The following AK5 variants were observed in gnomAD, a reference collection of about 807,000 sequenced individuals.
The protein encoded by AK5 is adenylate kinase 5, also known as adenylate kinase isoenzyme 5.
In AK5, 27 loss-of-function variants were observed where a neutral mutation model predicts 69.5. The ratio of observed to expected loss-of-function variants is 0.39; its 90% CI spans 0.29 to 0.54. AK5 has a LOEUF of 0.54. AK5 is among the 20% of genes least tolerant of loss of function. AK5 has a pLI of 0.71. For synonymous variants in AK5, 260 were observed against 244.4 expected (o/e 1.06, Z -0.60); for missense variants, 531 against 700.4 (o/e 0.76, Z 2.73).
chr1:77,304,328 T>C (rs762138372), intron 5 of AK5, among the ~76,000 whole-genome samples: 11 of 152,202 alleles, frequency 7.2e-5, no homozygotes, highest in Non-Finnish European at 1.6e-4. Flanking sequence ...CCATCCATGT[T>C]GTTGCGTATG....
intron 5 of AK5, among the ~76,000 whole-genome samples, chr1:77,319,806 T>G (rs992839397): frequency 5.3e-5 from 8 of 152,224 alleles, no homozygotes; most frequent in Admixed American, 3.9e-4. Context: ...TATTCTCAGA[T>G]CCTACTGATT....
At chr1:77,542,942 A>C (rs1217249879) in intron 13 of AK5, among the ~76,000 whole-genome samples, 5 of 152,050 alleles carry the variant, frequency 3.3e-5, no homozygotes, top group African/African-American at 9.7e-5. Context: ...CCAGTGACTC[A>C]TTAAACATGA....
intron 13 of AK5, 135 bp from the exon 14 acceptor site, chr1:77,558,465 TTC>T (rs1660240801): frequency 7.5e-6 from 4 of 534,128 alleles, no homozygotes; most frequent in Admixed American, 4.2e-5. Flanking sequence ...CTTCACTTTT[TTC>T]TCTGTGTTTT....
chr1:77,391,597 CAGAT>C (rs1041562267), intron 6 of AK5, among the ~76,000 whole-genome samples: 1 of 148,160 alleles, frequency 6.7e-6, no homozygotes, highest in African/African-American at 2.5e-5. Context: ...GGTGAATGAA[CAGAT>C]GGATAGGTGC....
At chr1:77,328,930 G>T (rs965031518) in intron 5 of AK5, among the ~76,000 whole-genome samples, 3 of 152,176 alleles carry the variant, frequency 2.0e-5, no homozygotes, top group Non-Finnish European at 4.4e-5. Context: ...GCTGTTGCCA[G>T]CGTCTGGCAA....
Position 77,297,965 on chromosome 1 carries a change from T to C in AK5, c.699+18T>C. 1.3e-6 allele frequency: 2 copies of C among 1,541,116 alleles called. No individual in the cohort carries two copies. Among genetic ancestry groups the C allele is most frequent in the Non-Finnish European group, 1.8e-6 (2 of 1,137,930 alleles). Reference sequence around the variant, plus strand: ...AGGACCAAGTAAGAATATCTCCTTATATTTTAAATGAACTACTTTTTGCTT... The same window carrying C: ...AGGACCAAGTAAGAATATCTCCTTACATTTTAAATGAACTACTTTTTGCTT... On this transcript the variant is annotated intron_variant, in intron 5 of 13. Transcript: ENST00000354567.
intron 7 of AK5, among the ~76,000 whole-genome samples, chr1:77,416,610 A>G (rs1319632096): frequency 6.6e-6 from 1 of 152,154 alleles, no homozygotes; most frequent in African/African-American, 2.4e-5. Context: ...AGAGAAGAGA[A>G]GGGGGAAAAA....
At chr1:77,389,768 T>A (rs1557552496) in intron 6 of AK5, among the ~76,000 whole-genome samples, 1 of 151,936 alleles carries the variant, frequency 6.6e-6, no homozygotes, top group Non-Finnish European at 1.5e-5. Context: ...TCAAGACCAG[T>A]CTGGGCAACA....
intron 6 of AK5, among the ~76,000 whole-genome samples, chr1:77,405,329 G>A (rs925601747): frequency 6.6e-6 from 1 of 152,246 alleles, no homozygotes; most frequent in Non-Finnish European, 1.5e-5. Flanking sequence ...TTAAGCACTA[G>A]CTGTGTTTTC....
At chr1:77,384,864 A>G (rs1647894924) in intron 6 of AK5, among the ~76,000 whole-genome samples, 2 of 152,170 alleles carry the variant, frequency 1.3e-5, no homozygotes, top group Admixed American at 1.3e-4. Flanking sequence ...ATAACCAATT[A>G]GTGAATAGCA....
chr1:77,380,505 A>G (rs755719502), intron 6 of AK5, among the ~76,000 whole-genome samples: 2 of 152,182 alleles, frequency 1.3e-5, no homozygotes, highest in Non-Finnish European at 2.9e-5. Context: ...TTTATTGACC[A>G]TTTACAATGT....
At chr1:77,512,289 A>G (rs1251020493) in intron 10 of AK5, among the ~76,000 whole-genome samples, 1 of 152,148 alleles carries the variant, frequency 6.6e-6, no homozygotes, top group Non-Finnish European at 1.5e-5. Context: ...ACACACGGGT[A>G]TATCTTAAGT....
At chr1:77,365,802 G>A (rs531138623) in intron 6 of AK5, among the ~76,000 whole-genome samples, 2 of 152,292 alleles carry the variant, frequency 1.3e-5, no homozygotes, top group East Asian at 1.9e-4. Flanking sequence ...CCTGGGACTT[G>A]GGGACCTCTG....
At chr1:77,454,039 C>T (rs1327440562) in intron 8 of AK5, among the ~76,000 whole-genome samples, 1 of 152,146 alleles carries the variant, frequency 6.6e-6, no homozygotes, top group Admixed American at 6.6e-5. Context: ...TTCTAGTCTT[C>T]AGCTCTGTAG....
chr1:77,303,171 C>T (rs1659437700), intron 5 of AK5, among the ~76,000 whole-genome samples: 1 of 152,110 alleles, frequency 6.6e-6, no homozygotes, highest in Non-Finnish European at 1.5e-5. Flanking sequence ...CAGTTTTAGT[C>T]CTCACATTCA....
chr1:77,545,112 A>G (rs1659473934), intron 13 of AK5, among the ~76,000 whole-genome samples: 1 of 152,170 alleles, frequency 6.6e-6, no homozygotes, highest in Admixed American at 6.5e-5. Context: ...GCATGACTAT[A>G]TATACCCACA....
chr1:77,397,270 A>T (rs966507303), intron 6 of AK5, among the ~76,000 whole-genome samples: 1 of 151,706 alleles, frequency 6.6e-6, no homozygotes, highest in Non-Finnish European at 1.5e-5. Context: ...CCCGAGCCCC[A>T]CATTGCCACA....
chr1:77,423,646 G>T lies in AK5; in HGVS notation c.1059+5931G>T, dbSNP rs1053525829. On this transcript the variant is annotated intron_variant, in intron 8 of 13. Coordinates refer to ENST00000354567, the MANE Select transcript of AK5 (RefSeq NM_174858.3). ...AACGTCTGTAGAAGCCTGTACCAGG[G>T]CTGGAAACACTGAACAGTGATAATA... 2.0e-5 allele frequency among the ~76,000 whole-genome samples: 3 copies of T among 151,902 alleles called. No homozygotes were observed. The East Asian group carries it at 5.8e-4, about 29-fold the overall frequency.
At chr1:77,451,903 A>G (rs890653916) in intron 8 of AK5, among the ~76,000 whole-genome samples, 1 of 152,196 alleles carries the variant, frequency 6.6e-6, no homozygotes, top group Non-Finnish European at 1.5e-5. Context: ...TGAATTAATC[A>G]TGTGGAACAA....
Sources: allele counts gnomAD v4.1 joint callset (sites outside exome capture counted in the v4.1 genomes callset), GRCh38; gene constraint gnomAD v4.1.1; transcripts MANE v1.5; gene names NCBI Gene and HGNC (gene_info 2026-07-23, HGNC 2026-07-21).